The following SRGAP3 variants were observed in gnomAD, a reference collection of about 807,000 sequenced individuals.
The protein encoded by SRGAP3 is SLIT-ROBO Rho GTPase activating protein 3, also known as SLIT-ROBO Rho GTPase-activating protein 3.
In SRGAP3, 39 loss-of-function variants were observed where a neutral mutation model predicts 121.1. That is an observed-to-expected ratio of 0.32 (90% confidence interval 0.25 to 0.42). SRGAP3 has a LOEUF of 0.42. Among genes scored for constraint, SRGAP3 ranks in the 10% least tolerant of loss-of-function variants. The pLI is 1.00. For synonymous variants in SRGAP3, 601 were observed against 570.0 expected (o/e 1.05, Z -0.77); for missense variants, 1,213 against 1,470.6 (o/e 0.82, Z 2.86).
chr3:9,240,286 G>A (rs905179695), intron 1 of SRGAP3, among the ~76,000 whole-genome samples: 2 of 152,160 alleles, frequency 1.3e-5, no homozygotes, highest in Non-Finnish European at 2.9e-5. Flanking sequence ...CAAGCCATCA[G>A]GAATGAATAT....
At chr3:9,079,563 C>T (rs904200391) in intron 4 of SRGAP3, among the ~76,000 whole-genome samples, 1 of 152,208 alleles carries the variant, frequency 6.6e-6, no homozygotes, top group African/African-American at 2.4e-5. Flanking sequence ...CCGTGATCCT[C>T]GGAACCGTGC....
At chr3:9,294,188 C>T (rs1954913579) in intron 3 of SRGAP3, among the ~76,000 whole-genome samples, 2 of 152,246 alleles carry the variant, frequency 1.3e-5, no homozygotes, top group South Asian at 4.2e-4. Context: ...GAATACTATG[C>T]AGCCAAAAAA....
intron 3 of SRGAP3, among the ~76,000 whole-genome samples, chr3:9,322,007 A>T (rs1481816776): frequency 2.0e-5 from 3 of 151,584 alleles, no homozygotes; most frequent in African/African-American, 4.8e-5. Flanking sequence ...AAATGTTTAA[A>T]GAAGGAAAGG....
intron 1 of SRGAP3, among the ~76,000 whole-genome samples, chr3:9,206,383 TCCCGAG>T (rs1173834742): frequency 6.6e-6 from 1 of 152,182 alleles, no homozygotes; most frequent in Non-Finnish European, 1.5e-5. Context: ...GGAGTCTGAT[TCCCGAG>T]CCCATGTTTT....
intron 3 of SRGAP3, among the ~76,000 whole-genome samples, chr3:9,286,013 G>A (rs539038170): frequency 6.6e-6 from 1 of 151,850 alleles, no homozygotes; most frequent in African/African-American, 2.4e-5. Flanking sequence ...CTGGGAGGCT[G>A]AAGTGAGTAG....
chr3:9,307,754 A>G lies in SRGAP3; in HGVS notation n.442+18256T>C, dbSNP rs181347194. ...AAACCTCAGGGGCATATTTAAAATCAGAGAATCAAAAATTACTTAATCAGA... is the reference window on the plus strand; with the variant it reads ...AAACCTCAGGGGCATATTTAAAATCGGAGAATCAAAAATTACTTAATCAGA... On this transcript the variant is annotated intron_variant and non_coding_transcript_variant, in intron 3 of 3. Transcript: ENST00000490889. Among the ~76,000 whole-genome samples, 104 of 152,364 alleles carry G rather than the reference A, an allele frequency of 6.8e-4. 1 individual carries two copies. The highest frequency in any genetic ancestry group is 4.7e-3 in the Admixed American group (72 of 15,314).
At chr3:9,252,376 G>A (rs1954037668), upstream of SRGAP3, among the ~76,000 whole-genome samples, 1 of 151,828 alleles carries the variant, frequency 6.6e-6, no homozygotes, top group African/African-American at 2.4e-5. Flanking sequence ...TCAGCCTCCC[G>A]AAGTACTGGG....
chr3:9,322,838 T>G (rs536591106), intron 3 of SRGAP3, among the ~76,000 whole-genome samples: 1 of 151,814 alleles, frequency 6.6e-6, no homozygotes, highest in African/African-American at 2.4e-5. Context: ...AGCAATCCCA[T>G]TCCTCAAGAA....
intron 13 of SRGAP3, among the ~76,000 whole-genome samples, 173 bp from the exon 14 acceptor site, chr3:9,025,511 A>G (rs1250989099): frequency 1.3e-5 from 2 of 152,184 alleles, no homozygotes; most frequent in African/African-American, 4.8e-5. Context: ...GGTAAAGTAC[A>G]GCTGGCCAAA....
intron 1 of SRGAP3, among the ~76,000 whole-genome samples, chr3:9,211,665 C>CTTTTTT (rs1193329370): frequency 5.0e-5 from 6 of 121,130 alleles, no homozygotes; most frequent in African/African-American, 9.3e-5. Flanking sequence ...TCTTTCTTTT[C>CTTTTTT]TTTTTTTTTT....
At chr3:9,299,436 T>G (rs577361029) in intron 3 of SRGAP3, among the ~76,000 whole-genome samples, 4 of 150,208 alleles carry the variant, frequency 2.7e-5, no homozygotes, top group Non-Finnish European at 5.9e-5. Context: ...AGCATCCCCA[T>G]CCACCATGTT....
intron 1 of SRGAP3, among the ~76,000 whole-genome samples, chr3:9,175,144 A>G (rs550769044): frequency 6.6e-6 from 1 of 152,322 alleles, no homozygotes; most frequent in South Asian, 2.1e-4. Context: ...ATGTTCCAAC[A>G]TCATTTAAGC....
chr3:9,270,792 T>C (rs146877985), intron 3 of SRGAP3, among the ~76,000 whole-genome samples: 89 of 152,334 alleles, frequency 5.8e-4, no homozygotes, highest in African/African-American at 2.0e-3. Context: ...TTTACTGTTA[T>C]TATTTAAGCA....
At chr3:9,032,604 A>G (rs368327922) in intron 12 of SRGAP3, 46 bp downstream of exon 12, 6 of 1,566,646 alleles carry the variant, frequency 3.8e-6, no homozygotes, top group Non-Finnish European at 3.5e-6. Flanking sequence ...AGAGGCTGCC[A>G]TTACATTGGG....
chr3:9,108,554 G>A (rs1948501776), intron 2 of SRGAP3, among the ~76,000 whole-genome samples: 1 of 152,210 alleles, frequency 6.6e-6, no homozygotes, highest in African/African-American at 2.4e-5. Flanking sequence ...GGAGGTGGAA[G>A]CTGCAGTGAG....
intron 21 of SRGAP3, 113 bp from the exon 22 acceptor site, chr3:8,986,045 G>A (rs1037888632): frequency 6.4e-7 from 1 of 1,556,156 alleles, no homozygotes; most frequent in Non-Finnish European, 8.6e-7. Flanking sequence ...CTCGCGGCAG[G>A]GATGGAGATT....
intron 17 of SRGAP3, among the ~76,000 whole-genome samples, chr3:9,012,942 T>C (rs1943446337): frequency 1.3e-5 from 2 of 152,284 alleles, no homozygotes; most frequent in Non-Finnish European, 2.9e-5. Flanking sequence ...TATCCAAGAA[T>C]GAAGCCAACA....
intron 1 of SRGAP3, among the ~76,000 whole-genome samples, chr3:9,246,584 G>C (rs1241350074): frequency 2.6e-5 from 4 of 152,156 alleles, no homozygotes; most frequent in African/African-American, 9.7e-5. Flanking sequence ...CAGTTTCCTT[G>C]TCTCTGAAAC....
intron 3 of SRGAP3, among the ~76,000 whole-genome samples, chr3:9,278,915 G>A (rs1954630120): frequency 6.6e-6 from 1 of 152,178 alleles, no homozygotes; most frequent in South Asian, 2.1e-4. Context: ...GTTCTCCTGT[G>A]TGTTGATTGA....
Sources: allele counts gnomAD v4.1 joint callset (sites outside exome capture counted in the v4.1 genomes callset), GRCh38; gene constraint gnomAD v4.1.1; transcripts MANE v1.5; gene names NCBI Gene and HGNC (gene_info 2026-07-23, HGNC 2026-07-21).